Variants in ISM1 observed in about 807,000 individuals in gnomAD.
The protein encoded by ISM1 is isthmin-1.
ISM1 carries 25 observed loss-of-function variants against 46.3 expected under a neutral mutation model. That is an observed-to-expected ratio of 0.54 (90% CI 0.39 to 0.75). The LOEUF (loss-of-function observed/expected upper bound fraction) is 0.75. ISM1 is among the 30% of genes least tolerant of loss of function. The probability of loss-of-function intolerance (pLI) is 0.00; values close to 1 mark genes in which losing one functional copy is unlikely to be tolerated. For synonymous variants in ISM1, 255 were observed against 256.7 expected, an observed-to-expected ratio of 0.99 and a Z score of 0.06; for missense variants, 536 against 625.4, an observed-to-expected ratio of 0.86 and a Z score of 1.52.
At chr20:13,312,415 G>A in the ISM1 span, among the ~76,000 whole-genome samples, 19 of 152,182 alleles carry the variant, frequency 1.2e-4, no homozygotes, top group Admixed American at 1.2e-3. Context: ...AGCCTTGCTG[G>A]TTCCTCCAAG....
intron 1 of ISM1, among the ~76,000 whole-genome samples, chr20:13,267,167 C>T (rs2040052105): frequency 6.6e-6 from 1 of 152,144 alleles, no homozygotes; most frequent in Non-Finnish European, 1.5e-5. Flanking sequence ...TGGGGGCATG[C>T]CATTGCAAGG....
downstream of ISM1, chr20:13,300,792 G>A (rs2040451512): frequency 6.6e-6 from 1 of 152,202 alleles, no homozygotes; most frequent in Non-Finnish European, 1.5e-5. Context: ...GGTGGTGTAA[G>A]TCATGGCATC....
At chr20:13,262,424 G>A (rs2039998590) in intron 1 of ISM1, among the ~76,000 whole-genome samples, 1 of 152,086 alleles carries the variant, frequency 6.6e-6, no homozygotes, top group South Asian at 2.1e-4. Flanking sequence ...ACATTTGCAG[G>A]GATGTTTTAG....
the ISM1 span, among the ~76,000 whole-genome samples, chr20:13,319,926 A>G: frequency 1.3e-5 from 2 of 152,178 alleles, no homozygotes; most frequent in Non-Finnish European, 2.9e-5. Context: ...GGAAACAGGG[A>G]CAGGGCAGCA....
intron 1 of ISM1, among the ~76,000 whole-genome samples, chr20:13,251,287 T>C (rs1253766247): frequency 6.6e-6 from 1 of 152,182 alleles, no homozygotes; most frequent in Non-Finnish European, 1.5e-5. Flanking sequence ...ATTCTGGCAG[T>C]GGATAAGTCA....
intron 1 of ISM1, chr20:13,239,319 T>C (rs564986788): frequency 6.6e-6 from 1 of 152,348 alleles, no homozygotes; most frequent in South Asian, 2.1e-4. Flanking sequence ...GTTCTTTCAC[T>C]TCTTATTCAC....
chr20:13,306,494 G>A, the ISM1 span, among the ~76,000 whole-genome samples: 1 of 142,326 alleles, frequency 7.0e-6, no homozygotes, highest in Non-Finnish European at 1.5e-5. Context: ...AGATTTTGGT[G>A]GTGTTTTTTG....
At chr20:13,255,278 T>C (rs564076548) in intron 1 of ISM1, among the ~76,000 whole-genome samples, 1 of 152,262 alleles carries the variant, frequency 6.6e-6, no homozygotes, top group Non-Finnish European at 1.5e-5. Context: ...AAAAAATGGA[T>C]AAAATGCTCT....
At chr20:13,321,821 G>A in the ISM1 span, among the ~76,000 whole-genome samples, 139 of 152,342 alleles carry the variant, frequency 9.1e-4, no homozygotes, top group Middle Eastern at 6.8e-3. Flanking sequence ...CGAAGTGTGT[G>A]TAGAGACAGG....
the ISM1 span, among the ~76,000 whole-genome samples, chr20:13,306,337 G>C: frequency 6.6e-6 from 1 of 152,082 alleles, no homozygotes; most frequent in East Asian, 1.9e-4. Flanking sequence ...TGCCATGGAA[G>C]AGAACAGTCT....
At chr20:13,223,193 A>T (rs556846455) in intron 1 of ISM1, among the ~76,000 whole-genome samples, 5 of 148,704 alleles carry the variant, frequency 3.4e-5, no homozygotes, top group Non-Finnish European at 7.4e-5. Flanking sequence ...AAAATAAAAT[A>T]AATAAATAAA....
intron 2 of ISM1, among the ~76,000 whole-genome samples, chr20:13,277,420 A>AGGGAGT (rs2040192092): frequency 3.5e-5 from 3 of 85,344 alleles, no homozygotes; most frequent in African/African-American, 1.4e-4. Context: ...GTTCCCTCAG[A>AGGGAGT]TGGGGCTGCA....
At chr20:13,287,555 CTCA>C (rs1279326476) in intron 3 of ISM1, among the ~76,000 whole-genome samples, 2 of 152,214 alleles carry the variant, frequency 1.3e-5, no homozygotes, top group Non-Finnish European at 2.9e-5. Context: ...TTGCACACCA[CTCA>C]TCAATTTCTA....
intron 3 of ISM1, 87 bp from the exon 4 acceptor site, chr20:13,288,453 G>A: frequency 7.1e-7 from 1 of 1,404,216 alleles, no homozygotes; most frequent in South Asian, 1.3e-5. Flanking sequence ...GAGAAGGATA[G>A]AAGTGAATAA....
chr20:13,272,315 T>G (rs1019678498), intron 2 of ISM1, among the ~76,000 whole-genome samples: 3 of 152,194 alleles, frequency 2.0e-5, no homozygotes, highest in Non-Finnish European at 4.4e-5. Flanking sequence ...AACACCAGCA[T>G]CATGGGAGCA....
chr20:13,275,000 A>C (rs990908875), intron 2 of ISM1, among the ~76,000 whole-genome samples: 2 of 152,246 alleles, frequency 1.3e-5, no homozygotes, highest in Non-Finnish European at 2.9e-5. Flanking sequence ...AGACTTTGGT[A>C]TCCTTGGCTG....
At chr20:13,289,165 T>C (rs1281061323) in intron 4 of ISM1, among the ~76,000 whole-genome samples, 3 of 152,196 alleles carry the variant, frequency 2.0e-5, no homozygotes, top group East Asian at 3.9e-4. Context: ...TTATGCACAA[T>C]TGCAGTGGCC....
chr20:13,250,549 G>A (rs1028903850), intron 1 of ISM1, among the ~76,000 whole-genome samples: 7 of 152,104 alleles, frequency 4.6e-5, no homozygotes, highest in Non-Finnish European at 1.0e-4. Flanking sequence ...CATTGGAATC[G>A]CCTGGGGATC....
the ISM1 span, among the ~76,000 whole-genome samples, chr20:13,316,775 G>T: frequency 2.6e-5 from 4 of 151,182 alleles, no homozygotes; most frequent in Admixed American, 6.6e-5. Context: ...ACTAGGAATA[G>T]ATGGGAACTT....
Sources: gnomAD v4.1 joint callset for allele counts (sites outside exome capture counted in the v4.1 genomes callset) on GRCh38, gnomAD v4.1.1 for gene constraint, MANE v1.5 for transcripts, NCBI Gene and HGNC (gene_info 2026-07-23, HGNC 2026-07-21) for gene names.